Variants in DCDC2C observed in about 807,000 individuals in gnomAD.
DCDC2C encodes the protein doublecortin domain-containing protein 2C.
A neutral mutation model predicts 45.0 loss-of-function variants in DCDC2C; 44 were observed. That is an observed-to-expected ratio of 0.98 (90% confidence interval 0.77 to 1.26). The LOEUF (loss-of-function observed/expected upper bound fraction) is 1.26. Ranked by LOEUF, DCDC2C falls within the 50% of genes most tolerant of loss-of-function variation. The pLI is 0.00. For synonymous variants in DCDC2C, 187 were observed against 178.8 expected, an observed-to-expected ratio of 1.05 and a Z score of -0.37; for missense variants, 447 against 468.9, an observed-to-expected ratio of 0.95 and a Z score of 0.43.
chr2:3,704,771 G>A (rs902509795), intron 1 of DCDC2C, among the ~76,000 whole-genome samples: 2 of 150,578 alleles, frequency 1.3e-5, no homozygotes, highest in Middle Eastern at 3.4e-3. Context: ...GGCGGGTTGG[G>A]CAGTTCCCAT....
At chr2:3,794,369 T>TTTA (rs1034708405) in intron 10 of DCDC2C, among the ~76,000 whole-genome samples, 2 of 152,132 alleles carry the variant, frequency 1.3e-5, no homozygotes, top group African/African-American at 2.4e-5. Context: ...TTTAAATTTA[T>TTTA]TTATTATTAT....
At chr2:3,751,796 A>G (rs1230339924) in intron 4 of DCDC2C, among the ~76,000 whole-genome samples, 1 of 152,110 alleles carries the variant, frequency 6.6e-6, no homozygotes, top group Non-Finnish European at 1.5e-5. Flanking sequence ...ATTCTTCCTC[A>G]GTCACATCCT....
At chr2:3,787,242 A>G (rs1474767653) in intron 10 of DCDC2C, among the ~76,000 whole-genome samples, 2 of 152,232 alleles carry the variant, frequency 1.3e-5, no homozygotes, top group South Asian at 2.1e-4. Context: ...GGAATATTTT[A>G]CCAAACATAA....
At chr2:3,727,102 A>G in intron 3 of DCDC2C, 23 bp downstream of exon 3, 2 of 1,530,836 alleles carry the variant, frequency 1.3e-6, no homozygotes, top group Non-Finnish European at 1.8e-6. Flanking sequence ...TTATGGGTGA[A>G]AAAATCAAAC....
intron 2 of DCDC2C, among the ~76,000 whole-genome samples, chr2:3,724,616 G>A (rs1021642908): frequency 4.6e-5 from 7 of 152,310 alleles, no homozygotes; most frequent in South Asian, 2.1e-4. Context: ...GGGTGATGTC[G>A]TCGAGCTCCT....
At chr2:3,835,011 C>T (rs1672041686) in intron 10 of DCDC2C, among the ~76,000 whole-genome samples, 1 of 152,126 alleles carries the variant, frequency 6.6e-6, no homozygotes, top group Admixed American at 6.5e-5. Flanking sequence ...TTCCCATGGC[C>T]ACATAACTAG....
chr2:3,821,939 A>G (rs1048488490), intron 10 of DCDC2C, among the ~76,000 whole-genome samples: 1 of 149,458 alleles, frequency 6.7e-6, no homozygotes, highest in Non-Finnish European at 1.5e-5. Context: ...CTCTAATTTC[A>G]GAATATTTTT....
At chr2:3,811,650 C>T (rs1349054304) in intron 10 of DCDC2C, among the ~76,000 whole-genome samples, 2 of 152,158 alleles carry the variant, frequency 1.3e-5, no homozygotes, top group Admixed American at 1.3e-4. Context: ...GCACCCTTGG[C>T]TTGTACTGGT....
At chr2:3,783,860 C>G (rs1356703800) in intron 9 of DCDC2C, among the ~76,000 whole-genome samples, 1 of 152,326 alleles carries the variant, frequency 6.6e-6, no homozygotes, top group East Asian at 1.9e-4. Context: ...TAGTGTTTAT[C>G]TACATGAAAA....
intron 3 of DCDC2C, among the ~76,000 whole-genome samples, chr2:3,739,403 C>T (rs1210040731): frequency 1.3e-5 from 2 of 152,180 alleles, no homozygotes; most frequent in South Asian, 2.1e-4. Flanking sequence ...TGGCCTGCCA[C>T]GCCCCCATCC....
intron 10 of DCDC2C, among the ~76,000 whole-genome samples, chr2:3,835,722 T>C (rs1296319558): frequency 6.6e-6 from 1 of 152,166 alleles, no homozygotes; most frequent in Non-Finnish European, 1.5e-5. Context: ...TCATTTTTTA[T>C]ATTAAAATAA....
chr2:3,731,982 AC>A lies in DCDC2C; in HGVS notation c.416+4904del, dbSNP rs1486779761. ...GGGGGTCTCAGTTTCAGGACTGAGTACGGTAGGGGGCGGTGAGTGCAAACCC... is the reference window on the plus strand; with the variant it reads ...GGGGGTCTCAGTTTCAGGACTGAGTAGGTAGGGGGCGGTGAGTGCAAACCC... On this transcript the variant is annotated intron_variant, in intron 3 of 10. Transcript: ENST00000399143. Among the ~76,000 whole-genome samples the A allele has an allele frequency of 3.3e-5, 5 of 152,146 alleles. No homozygotes were observed. The East Asian group carries it at 9.7e-4, about 29-fold the overall frequency.
chr2:3,841,289 C>T (rs928089463), intron 10 of DCDC2C, among the ~76,000 whole-genome samples: 14 of 146,724 alleles, frequency 9.5e-5, no homozygotes, highest in Admixed American at 8.8e-4. Flanking sequence ...AGCACACAGA[C>T]GCACGGCAAG....
At chr2:3,827,993 A>G (rs1396320384) in intron 10 of DCDC2C, among the ~76,000 whole-genome samples, 3 of 152,200 alleles carry the variant, frequency 2.0e-5, no homozygotes, top group East Asian at 3.8e-4. Flanking sequence ...GGCAAACTGT[A>G]CCTCTTTTCT....
At chr2:3,707,237 A>G (rs1208235601) in intron 1 of DCDC2C, among the ~76,000 whole-genome samples, 1 of 152,208 alleles carries the variant, frequency 6.6e-6, no homozygotes, top group East Asian at 1.9e-4. Flanking sequence ...ACATTGAAAT[A>G]ATAAATAGTA....
chr2:3,752,726 C>G (rs1470979100), intron 4 of DCDC2C, 37 bp from the exon 5 acceptor site: 2 of 1,549,216 alleles, frequency 1.3e-6, no homozygotes, highest in East Asian at 2.4e-5. Context: ...TACTGGTCCT[C>G]AAGTCTCTAT....
chr2:3,744,941 A>G (rs1209759832), intron 4 of DCDC2C, among the ~76,000 whole-genome samples: 1 of 152,236 alleles, frequency 6.6e-6, no homozygotes, highest in Admixed American at 6.5e-5. Flanking sequence ...AGACCTGTGT[A>G]TACTTCTGGG....
intron 10 of DCDC2C, among the ~76,000 whole-genome samples, chr2:3,827,436 G>A (rs1161071150): frequency 6.6e-6 from 1 of 152,166 alleles, no homozygotes; most frequent in African/African-American, 2.4e-5. Flanking sequence ...TCTGGGTGGT[G>A]ATCTTCATGC....
intron 4 of DCDC2C, among the ~76,000 whole-genome samples, chr2:3,744,685 A>T (rs1213410892): frequency 6.6e-6 from 1 of 152,196 alleles, no homozygotes; most frequent in Non-Finnish European, 1.5e-5. Context: ...AAAACATCCA[A>T]GAGTGATTTA....
Sources: allele counts gnomAD v4.1 joint callset (sites outside exome capture counted in the v4.1 genomes callset), GRCh38; gene constraint gnomAD v4.1.1; transcripts MANE v1.5; gene names NCBI Gene and HGNC (gene_info 2026-07-23, HGNC 2026-07-21).